FBXW10B: variants seen among roughly 807,000 people sequenced by gnomAD.
FBXW10B encodes F-box and WD repeat domain containing protein 10B.
At chr17:15,595,526 CTG>C in the FBXW10B span, among the ~76,000 whole-genome samples, 1 of 152,178 alleles carries the variant, frequency 6.6e-6, no homozygotes, top group South Asian at 2.1e-4. Flanking sequence ...CCAGAAATCA[CTG>C]TCCTTTGCTG....
chr17:15,593,368 G>A, the FBXW10B span: 1 of 1,614,138 alleles, frequency 6.2e-7, no homozygotes, highest in Non-Finnish European at 8.5e-7. Context: ...GACAGCACAG[G>A]ATCGCCTCTG....
the FBXW10B span, among the ~76,000 whole-genome samples, chr17:15,617,369 A>AC: frequency 5.9e-5 from 9 of 151,986 alleles, no homozygotes; most frequent in African/African-American, 1.9e-4. Flanking sequence ...CCTCCATGTG[A>AC]CCACCCCCTC....
the FBXW10B span, among the ~76,000 whole-genome samples, chr17:15,583,344 C>A: frequency 7.2e-6 from 1 of 138,984 alleles, no homozygotes; most frequent in African/African-American, 2.6e-5. Context: ...CACATCACTT[C>A]TTCCTAGAAA....
chr17:15,582,563 C>T, the FBXW10B span, among the ~76,000 whole-genome samples: 2 of 149,570 alleles, frequency 1.3e-5, no homozygotes, highest in Non-Finnish European at 3.0e-5. Context: ...GAGTCCTTTA[C>T]TTTTTTTTTA....
the FBXW10B span, among the ~76,000 whole-genome samples, chr17:15,570,101 G>A: frequency 6.6e-6 from 1 of 152,168 alleles, no homozygotes; most frequent in African/African-American, 2.4e-5. Context: ...TACCTGGCAG[G>A]TAGCTAATGC....
the FBXW10B span, among the ~76,000 whole-genome samples, chr17:15,596,190 A>G: frequency 6.6e-6 from 1 of 151,952 alleles, no homozygotes; most frequent in African/African-American, 2.4e-5. Flanking sequence ...CTGGCCCTAC[A>G]GAGTGCAATA....
the FBXW10B span, chr17:15,572,488 G>T: frequency 6.6e-6 from 1 of 152,202 alleles, no homozygotes; most frequent in South Asian, 2.1e-4. Flanking sequence ...TGTGCTAAAT[G>T]CTGGAATATG....
chr17:15,571,964 CGGTGG>C, the FBXW10B span: 1 of 56,740 alleles, frequency 1.8e-5, no homozygotes, highest in Non-Finnish European at 3.4e-5. Context: ...TGGGAAACGG[CGGTGG>C]GGGGAGGGGT....
At chr17:15,595,680 T>C in the FBXW10B span, among the ~76,000 whole-genome samples, 1 of 152,126 alleles carries the variant, frequency 6.6e-6, no homozygotes, top group Non-Finnish European at 1.5e-5. Flanking sequence ...AGCCAGCCAC[T>C]TTTCACTGTG....
the FBXW10B span, among the ~76,000 whole-genome samples, chr17:15,571,187 T>A: frequency 2.6e-5 from 4 of 151,986 alleles, no homozygotes; most frequent in South Asian, 8.3e-4. Context: ...CTTTACAAAA[T>A]TTTTTTAAAA....
At chr17:15,585,401 G>A in the FBXW10B span, among the ~76,000 whole-genome samples, 1 of 152,208 alleles carries the variant, frequency 6.6e-6, no homozygotes, top group African/African-American at 2.4e-5. Flanking sequence ...TTGGTAAGCA[G>A]TGATACCAGC....
chr17:15,568,055 T>C, the FBXW10B span, among the ~76,000 whole-genome samples: 1 of 152,182 alleles, frequency 6.6e-6, no homozygotes, highest in Admixed American at 6.5e-5. Flanking sequence ...CTTTCCCTCA[T>C]ACTATCATCA....
At chr17:15,582,389 T>C in the FBXW10B span, among the ~76,000 whole-genome samples, 2 of 151,972 alleles carry the variant, frequency 1.3e-5, no homozygotes, top group East Asian at 3.8e-4. Flanking sequence ...AAGATAGATC[T>C]CTTGATTAAA....
chr17:15,602,135 G>T, the FBXW10B span, among the ~76,000 whole-genome samples: 3 of 150,452 alleles, frequency 2.0e-5, no homozygotes, highest in African/African-American at 7.3e-5. Flanking sequence ...AAAGAAAAGT[G>T]AAAAGTAGAA....
the FBXW10B span, among the ~76,000 whole-genome samples, chr17:15,605,726 G>A: frequency 4.0e-5 from 6 of 151,732 alleles, no homozygotes; most frequent in Non-Finnish European, 8.8e-5. Flanking sequence ...GGCATTGCCC[G>A]GATTTAATTG....
At chr17:15,588,040 C>T in the FBXW10B span, among the ~76,000 whole-genome samples, 1 of 152,172 alleles carries the variant, frequency 6.6e-6, no homozygotes, top group Admixed American at 6.5e-5. Flanking sequence ...AAGCCTTTCA[C>T]AAGATTCCAT....
the FBXW10B span, among the ~76,000 whole-genome samples, chr17:15,570,383 G>C: frequency 6.6e-6 from 1 of 152,212 alleles, no homozygotes; most frequent in Admixed American, 6.5e-5. Flanking sequence ...TGAACATGGT[G>C]AGCAAAAATG....
the FBXW10B span, chr17:15,573,026 G>C: frequency 6.6e-6 from 1 of 152,162 alleles, no homozygotes; most frequent in South Asian, 2.1e-4. Flanking sequence ...GGTCACAGCA[G>C]AAGTGAAGTT....
the FBXW10B span, among the ~76,000 whole-genome samples, chr17:15,605,701 G>A: frequency 1.9e-3 from 294 of 152,286 alleles, 2 homozygotes; most frequent in Non-Finnish European, 1.7e-3. Flanking sequence ...CCCCAAGAGA[G>A]AGAACAGAGT....
Sources: gnomAD v4.1 joint callset for allele counts (sites outside exome capture counted in the v4.1 genomes callset) on GRCh38, gnomAD v4.1.1 for gene constraint, MANE v1.5 for transcripts, NCBI Gene and HGNC (gene_info 2026-07-23, HGNC 2026-07-21) for gene names.